PLEKHA8: variants seen among roughly 807,000 people sequenced by gnomAD.
PLEKHA8 encodes pleckstrin homology domain containing A8, also known as pleckstrin homology domain-containing family A member 8.
PLEKHA8 carries 36 observed loss-of-function variants against 68.2 expected under a neutral mutation model. The ratio of observed to expected loss-of-function variants is 0.53; its 90% CI spans 0.40 to 0.70. The LOEUF is 0.70. PLEKHA8 is among the 30% of genes least tolerant of loss of function. The pLI, the probability that PLEKHA8 is intolerant of heterozygous loss-of-function variation, is 0.00. For synonymous variants in PLEKHA8, 211 were observed against 216.1 expected (o/e 0.98, Z 0.20); for missense variants, 505 against 615.4 (o/e 0.82, Z 1.90).
At chr7:30,050,162 C>T (rs1317008876) in intron 5 of PLEKHA8, among the ~76,000 whole-genome samples, 1 of 152,150 alleles carries the variant, frequency 6.6e-6, no homozygotes. Context: ...GAAATCTAAT[C>T]ACTGAGTTTG....
intron 9 of PLEKHA8, among the ~76,000 whole-genome samples, chr7:30,057,205 C>T (rs1793065046): frequency 6.6e-6 from 1 of 151,972 alleles, no homozygotes; most frequent in Non-Finnish European, 1.5e-5. Flanking sequence ...TGTCACTCAG[C>T]CTGAAATAAC....
In PLEKHA8 at chr7:30,066,720, T is replaced by C. The variant is rs73686292; in HGVS notation, c.1300+3978T>C. 5.6e-3 allele frequency among the ~76,000 whole-genome samples: 846 copies of C among 152,356 alleles called. 6 individuals are homozygous for C. Among genetic ancestry groups the C allele is most frequent in the African/African-American group, 0.019 (796 of 41,572 alleles). ...TCATGCACCATTGTATTAAATGTTATATGCTCTGTGCTCAGTGGGATAACA... is the reference window on the plus strand; with the variant it reads ...TCATGCACCATTGTATTAAATGTTACATGCTCTGTGCTCAGTGGGATAACA... On this transcript the variant is annotated intron_variant, in intron 12 of 13. Coordinates refer to ENST00000449726, the MANE Select transcript of PLEKHA8 (RefSeq NM_001197026.2).
In PLEKHA8 at chr7:30,082,116, C is replaced by T. The variant is rs1022627227; in HGVS notation, c.*3329C>T. The T allele has an allele frequency of 5.5e-5, 54 of 985,210 alleles. No individual in the cohort carries two copies. Among genetic ancestry groups the T allele is most frequent in the Middle Eastern group, 5.2e-4 (1 of 1,936 alleles). 61.0% of individuals were successfully genotyped at this position (985,210 alleles called of 1,614,324 possible). ...GCCTGTGGGCCCAAGACATTGACTT[C>T]GAAGGGTAGTTCTCATTAGGATGTA... On this transcript the variant is annotated 3_prime_UTR_variant, in exon 14 of 14. Coordinates refer to ENST00000449726, the MANE Select transcript of PLEKHA8 (RefSeq NM_001197026.2).
chr7:30,046,342 A>C lies in PLEKHA8; in HGVS notation c.290A>C (p.Asp97Ala). Residue 97 changes from aspartate to alanine, a missense_variant, in exon 3 of 14, where the codon GAC becomes GCC. Asp to Ala is a moderately radical substitution (Grantham distance 126, BLOSUM62 -2). Coordinates refer to ENST00000449726, the MANE Select transcript of PLEKHA8 (RefSeq NM_001197026.2). Reference protein sequence around the residue: ...ALGSAKACLTDSRTQKEKEFA... With the variant: ...ALGSAKACLTASRTQKEKEFA... ...GGATCAGCCAAGGCTTGCCTGACTG[A>C]CAGTAGGACCCAGAAGGAGAAAGGC... is the stretch of plus-strand genomic sequence containing the variant. 6.2e-7 allele frequency: 1 copy of C among 1,611,076 alleles called. No individual in the cohort carries two copies. The highest frequency in any genetic ancestry group is 8.5e-7 in the Non-Finnish European group (1 of 1,178,662).
At chr7:30,063,519 T>C (rs1287212490) in intron 12 of PLEKHA8, among the ~76,000 whole-genome samples, 1 of 152,160 alleles carries the variant, frequency 6.6e-6, no homozygotes, top group Admixed American at 6.5e-5. Flanking sequence ...TGACATAAAC[T>C]AATTAGATGC....
chr7:30,057,873 A>G (rs1451335899), intron 9 of PLEKHA8, among the ~76,000 whole-genome samples: 1 of 152,186 alleles, frequency 6.6e-6, no homozygotes, highest in African/African-American at 2.4e-5. Flanking sequence ...TCATAGTTTA[A>G]CTTTATAATA....
At chr7:30,047,054 G>C (rs1792015794) in intron 3 of PLEKHA8, among the ~76,000 whole-genome samples, 1 of 152,196 alleles carries the variant, frequency 6.6e-6, no homozygotes, top group Admixed American at 6.5e-5. Flanking sequence ...AGGGTGGGGT[G>C]AAATGGGAAA....
At chr7:30,091,986 G>A (rs1379399411), downstream of PLEKHA8, among the ~76,000 whole-genome samples, 1 of 152,178 alleles carries the variant, frequency 6.6e-6, no homozygotes, top group Non-Finnish European at 1.5e-5. Context: ...TCAGCCTTAT[G>A]TTCATAGAAG....
At chr7:30,029,328 CCA>C (rs1790472772) in intron 1 of PLEKHA8, among the ~76,000 whole-genome samples, 1 of 152,206 alleles carries the variant, frequency 6.6e-6, no homozygotes, top group Non-Finnish European at 1.5e-5. Context: ...AGTCCCAACT[CCA>C]CAGTTTCAAA....
At chr7:30,057,350 A>C (rs1460472955) in intron 9 of PLEKHA8, among the ~76,000 whole-genome samples, 2 of 152,124 alleles carry the variant, frequency 1.3e-5, no homozygotes, top group African/African-American at 4.8e-5. Context: ...TTTCTGTATC[A>C]GTAGTTCGTT....
At chr7:30,101,489 C>T (rs1371538915) in intron 13 of PLEKHA8, among the ~76,000 whole-genome samples, 2 of 152,102 alleles carry the variant, frequency 1.3e-5, no homozygotes, top group African/African-American at 4.8e-5. Context: ...TTGCTGTGTC[C>T]TCACATGGAG....
chr7:30,046,513 G>T, intron 3 of PLEKHA8, 148 bp downstream of exon 3: 1 of 930,642 alleles, frequency 1.1e-6, no homozygotes, highest in Non-Finnish European at 1.6e-6. Flanking sequence ...TTTAAACCAG[G>T]GTCCATATCT....
chr7:30,076,178 C>G (rs1048284242), intron 13 of PLEKHA8, among the ~76,000 whole-genome samples: 9 of 151,348 alleles, frequency 5.9e-5, no homozygotes, highest in Non-Finnish European at 1.0e-4. Flanking sequence ...AATTTTATAT[C>G]CCCCCAACTG....
intron 9 of PLEKHA8, among the ~76,000 whole-genome samples, chr7:30,056,269 A>G (rs987062650): frequency 8.9e-6 from 1 of 112,156 alleles, no homozygotes; most frequent in African/African-American, 3.3e-5. Context: ...AAAGATTTTT[A>G]AAGATATATT....
At chr7:30,100,783 G>A (rs1194216994) in intron 13 of PLEKHA8, among the ~76,000 whole-genome samples, 1 of 152,136 alleles carries the variant, frequency 6.6e-6, no homozygotes, top group South Asian at 2.1e-4. Flanking sequence ...GATTGAAAAG[G>A]AAGAAATAAA....
chr7:30,130,242 G>A (rs1321159807), downstream of PLEKHA8: 2 of 152,232 alleles, frequency 1.3e-5, no homozygotes. Flanking sequence ...AAAAGAAACA[G>A]AGAAAAATGT....
intron 9 of PLEKHA8, among the ~76,000 whole-genome samples, chr7:30,056,360 C>CT (rs1792922033): frequency 8.2e-6 from 1 of 122,238 alleles, no homozygotes; most frequent in Non-Finnish European, 1.7e-5. Flanking sequence ...ATATATAACA[C>CT]ATATATATAT....
intron 1 of PLEKHA8, among the ~76,000 whole-genome samples, chr7:30,034,704 T>C (rs1442487141): frequency 6.6e-6 from 1 of 152,180 alleles, no homozygotes; most frequent in Non-Finnish European, 1.5e-5. Flanking sequence ...GGTTTTGCTA[T>C]CTCAGGGTAG....
rs1796547705 is a variant in PLEKHA8 at position 30,116,230 on chromosome 7, AC to A, written c.1363-13035del. 2.7e-5 allele frequency among the ~76,000 whole-genome samples: 4 copies of A among 149,658 alleles called. No individual in the cohort carries two copies. The South Asian group carries it at 8.3e-4, about 31-fold the overall frequency. On this transcript the variant is annotated intron_variant, in intron 13 of 13. Coordinates refer to the PLEKHA8 transcript ENST00000396257. ...CATGTATACATATGTATATACGTAT[AC>A]ATGTATGCGTATACATGTACACGTA...
Sources: gnomAD v4.1 joint callset for allele counts (sites outside exome capture counted in the v4.1 genomes callset) on GRCh38, gnomAD v4.1.1 for gene constraint, MANE v1.5 for transcripts, NCBI Gene and HGNC (gene_info 2026-07-23, HGNC 2026-07-21) for gene names.